The following DACH1 variants were observed in gnomAD, a reference collection of about 807,000 sequenced individuals.
DACH1 encodes the protein dachshund family transcription factor 1.
DACH1 carries 12 observed loss-of-function variants against 54.2 expected under a neutral mutation model. That is an observed-to-expected ratio of 0.22 (90% confidence interval 0.14 to 0.36). DACH1 has a LOEUF of 0.36. DACH1 is among the 10% of genes least tolerant of loss of function. The pLI is 1.00. For missense variants in DACH1, 805 were observed against 929.8 expected (o/e 0.87, Z 1.75); for synonymous variants, 386 against 366.2 (o/e 1.05, Z -0.62).
chr13:71,559,983 T>G, intron 4 of DACH1, 28 bp from the exon 5 acceptor site: 5 of 1,478,368 alleles, frequency 3.4e-6, no homozygotes, highest in Non-Finnish European at 3.6e-6. Context: ...GGAAGGAGGG[T>G]AGAAAAGATG....
At position 71,866,005 on chromosome 13, in the gene DACH1, G is replaced by T. The variant is rs1224517835; in HGVS notation, c.765C>A (p.Gly255=). Residue 255 remains glycine (G), a synonymous_variant, in exon 1 of 11, where the codon GGC becomes GGA. Coordinates refer to ENST00000613252, the MANE Select transcript of DACH1 (RefSeq NM_080759.6). ...AGCGGTTCACTCCTGGCTGGATGGC[G>T]CCCAGTCCCCTCAGGATGCGAACTT... is the stretch of plus-strand genomic sequence containing the variant. ...VEQVRILRGL[G]AIQPGVNRCK... 1.5e-5 allele frequency: 25 copies of T among 1,613,790 alleles called. No homozygotes were observed. The highest frequency in any genetic ancestry group is 1.9e-5 in the Non-Finnish European group (23 of 1,179,970).
At chr13:71,644,904 G>T (rs1205809648) in intron 2 of DACH1, among the ~76,000 whole-genome samples, 1 of 152,038 alleles carries the variant, frequency 6.6e-6, no homozygotes, top group African/African-American at 2.4e-5. Context: ...CAGCAGCTCT[G>T]TTTCTTTTCT....
At chr13:71,767,339 A>G (rs545231696) in intron 1 of DACH1, among the ~76,000 whole-genome samples, 2 of 152,224 alleles carry the variant, frequency 1.3e-5, no homozygotes, top group East Asian at 3.9e-4. Context: ...TCTAAGTTAT[A>G]GTATTTCAAG....
At chr13:71,646,683 T>C (rs924051828) in intron 2 of DACH1, among the ~76,000 whole-genome samples, 3 of 152,222 alleles carry the variant, frequency 2.0e-5, no homozygotes, top group South Asian at 2.1e-4. Flanking sequence ...AATTCTTATA[T>C]ACCATTTAGT....
chr13:71,518,827 C>A (rs528794375), intron 6 of DACH1, among the ~76,000 whole-genome samples: 5 of 151,888 alleles, frequency 3.3e-5, no homozygotes, highest in Admixed American at 1.3e-4. Context: ...TCAGATCCAA[C>A]CTGCTGCCTG....
intron 1 of DACH1, among the ~76,000 whole-genome samples, chr13:71,697,202 C>G (rs1214220886): frequency 6.6e-6 from 1 of 151,926 alleles, no homozygotes; most frequent in Non-Finnish European, 1.5e-5. Context: ...TTTAGAGGAG[C>G]AATGTTTGGC....
chr13:71,579,324 A>G (rs888404299), intron 3 of DACH1, among the ~76,000 whole-genome samples: 1 of 152,166 alleles, frequency 6.6e-6, no homozygotes, highest in South Asian at 2.1e-4. Flanking sequence ...GAAAGTAACA[A>G]TAAGTGAAGT....
intron 1 of DACH1, among the ~76,000 whole-genome samples, chr13:71,810,210 A>G (rs970632183): frequency 2.0e-5 from 3 of 152,146 alleles, no homozygotes; most frequent in African/African-American, 4.8e-5. Context: ...GTTCACAAAA[A>G]CGTTATCACT....
chr13:71,629,781 C>T (rs980582744), intron 3 of DACH1, among the ~76,000 whole-genome samples: 4 of 152,032 alleles, frequency 2.6e-5, no homozygotes, highest in African/African-American at 7.2e-5. Context: ...ATATTTTGAG[C>T]ATGGTCACTG....
chr13:71,484,175 T>C (rs1162597513), intron 7 of DACH1, among the ~76,000 whole-genome samples: 3 of 137,390 alleles, frequency 2.2e-5, no homozygotes, highest in African/African-American at 7.8e-5. Context: ...TGTGTATGTG[T>C]TTTTAAGATA....
chr13:71,709,036 G>C (rs182381763), intron 1 of DACH1, among the ~76,000 whole-genome samples: 58 of 151,724 alleles, frequency 3.8e-4, no homozygotes, highest in Non-Finnish European at 7.5e-4. Context: ...TGTATTTTTA[G>C]TAGAGACGGG....
At chr13:71,744,596 A>G (rs1351538096) in intron 1 of DACH1, among the ~76,000 whole-genome samples, 1 of 152,198 alleles carries the variant, frequency 6.6e-6, no homozygotes, top group Non-Finnish European at 1.5e-5. Flanking sequence ...AAACTCTTAC[A>G]ATTAGTGTAG....
At chr13:71,503,256 G>A (rs550324171) in intron 6 of DACH1, among the ~76,000 whole-genome samples, 8 of 152,240 alleles carry the variant, frequency 5.3e-5, no homozygotes, top group African/African-American at 1.7e-4. Context: ...TGTTTAACAT[G>A]AAAAACTGTG....
intron 10 of DACH1, among the ~76,000 whole-genome samples, chr13:71,472,307 TA>T (rs2138165002): frequency 6.6e-6 from 1 of 152,352 alleles, no homozygotes; most frequent in South Asian, 2.1e-4. Flanking sequence ...AAATACTTTC[TA>T]AACTACTTTC....
At chr13:71,756,279 G>A (rs572300441) in intron 1 of DACH1, among the ~76,000 whole-genome samples, 1 of 151,516 alleles carries the variant, frequency 6.6e-6, no homozygotes, top group South Asian at 2.1e-4. Context: ...TCCTGACCTC[G>A]TGATCTGCCC....
At chr13:71,817,774 G>T in intron 1 of DACH1, among the ~76,000 whole-genome samples, 1 of 149,360 alleles carries the variant, frequency 6.7e-6, no homozygotes, top group East Asian at 2.0e-4. Context: ...AACATTCTTA[G>T]TGTGGCTACT....
chr13:71,785,690 T>C (rs1886562866), intron 1 of DACH1, among the ~76,000 whole-genome samples: 1 of 152,220 alleles, frequency 6.6e-6, no homozygotes, highest in South Asian at 2.1e-4. Context: ...TGATTACTAA[T>C]GGGAGCATAT....
chr13:71,712,277 C>CT (rs200769399), intron 1 of DACH1, among the ~76,000 whole-genome samples: 692 of 151,316 alleles, frequency 4.6e-3, no homozygotes, highest in African/African-American at 6.6e-3. Context: ...ATCTGAAAAC[C>CT]TTTTTTTTGA....
chr13:71,742,401 T>C (rs1594164643), intron 1 of DACH1, among the ~76,000 whole-genome samples: 1 of 152,324 alleles, frequency 6.6e-6, no homozygotes, highest in African/African-American at 2.4e-5. Context: ...CAGTTTTTTA[T>C]TCTTCTTGTC....
Sources: gnomAD v4.1 joint callset for allele counts (sites outside exome capture counted in the v4.1 genomes callset) on GRCh38, gnomAD v4.1.1 for gene constraint, MANE v1.5 for transcripts, NCBI Gene and HGNC (gene_info 2026-07-23, HGNC 2026-07-21) for gene names.